Variants in SYNE2 observed in about 807,000 individuals in gnomAD.
SYNE2 encodes the protein nesprin-2.
SYNE2 carries 431 observed loss-of-function variants against 856.3 expected under a neutral mutation model. The observed-to-expected ratio is 0.50, with a 90% CI of 0.47 to 0.55. The LOEUF is 0.55. SYNE2 is among the 20% of genes least tolerant of loss of function. The pLI is 0.00. For synonymous variants in SYNE2, 2,923 were observed against 2,872.3 expected, an observed-to-expected ratio of 1.02 and a Z score of -0.56; for missense variants, 8,129 against 8,023.2, an observed-to-expected ratio of 1.01 and a Z score of -0.50.
At position 63,854,163 on chromosome 14, in the gene SYNE2, CT is replaced by C. The variant is rs35131482; in HGVS notation, c.-52+1036del. Among the ~76,000 whole-genome samples the C allele has an allele frequency of 5.4e-3, 754 of 139,222 alleles. 2 individuals are homozygous for C. The highest frequency in any genetic ancestry group is 0.015 in the African/African-American group (584 of 37,864). 91.3% of individuals were successfully genotyped at this position (139,222 alleles called of 152,430 possible). The stretch of plus-strand genomic sequence containing the variant: ...TCAAGCCGCTCCACACTTGGCATCA[CT>C]TTTTTTTTTTTTTTTGAGTTTGTTT... On this transcript the variant is annotated intron_variant, in intron 1 of 115. Transcript: ENST00000555002.
intron 7 of SYNE2, among the ~76,000 whole-genome samples, chr14:63,954,283 C>T (rs1246718339): frequency 1.3e-5 from 2 of 152,084 alleles, no homozygotes; most frequent in African/African-American, 2.4e-5. Context: ...AGTTAGGAAC[C>T]TTGACCTTCC....
intron 16 of SYNE2, 71 bp from the exon 17 acceptor site, chr14:63,982,559 A>AACATTGATT: frequency 7.0e-7 from 1 of 1,432,498 alleles, no homozygotes; most frequent in East Asian, 2.3e-5. Flanking sequence ...AGCCTTGGTG[A>AACATTGATT]ACATTGATTA....
chr14:64,030,151 C>G (rs1319171989), intron 44 of SYNE2, 92 bp downstream of exon 44: 1 of 1,276,364 alleles, frequency 7.8e-7, no homozygotes, highest in Non-Finnish European at 1.1e-6. Flanking sequence ...GTCAGAAATT[C>G]CAGTGGTATT....
intron 68 of SYNE2, 135 bp from the exon 69 acceptor site, chr14:64,121,877 G>C: frequency 8.4e-7 from 1 of 1,186,568 alleles, no homozygotes; most frequent in South Asian, 1.3e-5. Context: ...ACAAGAACAG[G>C]AATGCAAGAA....
rs1205500826 is a variant in SYNE2 at position 64,181,613 on chromosome 14, A to G, written c.17556+4130A>G. 2.6e-5 allele frequency among the ~76,000 whole-genome samples: 4 copies of G among 152,294 alleles called. No individual in the cohort carries two copies. The East Asian group carries it at 7.7e-4, about 29-fold the overall frequency. The stretch of plus-strand genomic sequence containing the variant: ...TCTGAAAAGATCCCAAGTAACCCAA[A>G]GCTTGTCCAGGTCAGTGTGTTTCAT... On this transcript the variant is annotated intron_variant, in intron 96 of 115. Coordinates refer to ENST00000555002, the MANE Select transcript of SYNE2 (RefSeq NM_182914.3).
At chr14:63,839,178 T>G (rs1216832632) in intron 1 of SYNE2, among the ~76,000 whole-genome samples, 1 of 152,084 alleles carries the variant, frequency 6.6e-6, no homozygotes, top group African/African-American at 2.4e-5. Flanking sequence ...TACAGTCATG[T>G]GCCACCATGC....
chr14:64,024,821 C>T, intron 39 of SYNE2, 91 bp from the exon 40 acceptor site: 1 of 1,340,124 alleles, frequency 7.5e-7, no homozygotes, highest in Non-Finnish European at 1.1e-6. Context: ...TTATAAAAAC[C>T]TGGTTGAGTC....
chr14:63,862,523 A>G (rs1894017035), intron 1 of SYNE2, among the ~76,000 whole-genome samples: 1 of 152,196 alleles, frequency 6.6e-6, no homozygotes, highest in African/African-American at 2.4e-5. Flanking sequence ...GGCGTGAACC[A>G]CTGTGCCTGG....
chr14:64,020,949 A>G (rs542967289), intron 35 of SYNE2, among the ~76,000 whole-genome samples: 9 of 152,256 alleles, frequency 5.9e-5, no homozygotes, highest in African/African-American at 2.2e-4. Context: ...TGTGTACATC[A>G]TAAATACTCA....
intron 1 of SYNE2, among the ~76,000 whole-genome samples, chr14:63,826,724 A>G (rs1448343745): frequency 3.9e-5 from 6 of 152,218 alleles, no homozygotes; most frequent in Non-Finnish European, 1.5e-5. Context: ...CAGATAATCA[A>G]TTTATAAGAG....
intron 63 of SYNE2, 47 bp downstream of exon 63, chr14:64,098,868 T>G: frequency 2.6e-6 from 4 of 1,565,428 alleles, no homozygotes; most frequent in Non-Finnish European, 2.6e-6. Context: ...ACCAGATCTC[T>G]AAAAGAAGTC....
At chr14:64,135,176 A>G (rs1241759859) in intron 78 of SYNE2, among the ~76,000 whole-genome samples, 1 of 152,234 alleles carries the variant, frequency 6.6e-6, no homozygotes, top group Admixed American at 6.5e-5. Flanking sequence ...CCAGGAACTT[A>G]AAATTCCTAG....
chr14:64,015,518 T>A (rs2096885926), intron 32 of SYNE2, among the ~76,000 whole-genome samples: 1 of 152,096 alleles, frequency 6.6e-6, no homozygotes, highest in African/African-American at 2.4e-5. Context: ...TTGATGTCTG[T>A]AGTGTCTGTA....
chr14:64,105,316 GA>G (rs2097763869), intron 64 of SYNE2, among the ~76,000 whole-genome samples: 1 of 152,152 alleles, frequency 6.6e-6, no homozygotes, highest in Admixed American at 6.5e-5. Context: ...AACTTAGCGT[GA>G]CATTCCAGAT....
At chr14:63,988,537 C>T (rs1414435382) in intron 19 of SYNE2, among the ~76,000 whole-genome samples, 1 of 152,116 alleles carries the variant, frequency 6.6e-6, no homozygotes, top group Non-Finnish European at 1.5e-5. Context: ...GATTCCACTG[C>T]CCCAAGACAA....
intron 78 of SYNE2, among the ~76,000 whole-genome samples, chr14:64,135,228 G>A (rs985731223): frequency 1.3e-5 from 2 of 152,114 alleles, no homozygotes; most frequent in Non-Finnish European, 2.9e-5. Context: ...TGAGTTGTGC[G>A]GCTAGAGGCA....
intron 1 of SYNE2, among the ~76,000 whole-genome samples, chr14:63,896,317 A>G (rs1186373974): frequency 2.0e-5 from 3 of 152,094 alleles, no homozygotes; most frequent in East Asian, 1.9e-4. Flanking sequence ...ACTTTTTCCT[A>G]TCATATCCTG....
Position 64,065,510 on chromosome 14 carries a change from T to G in SYNE2, c.10291T>G (p.Cys3431Gly). 1 of 1,614,060 alleles carries G rather than the reference T, an allele frequency of 6.2e-7. No individual in the cohort carries two copies. Among genetic ancestry groups the G allele is most frequent in the Non-Finnish European group, 8.5e-7 (1 of 1,180,016 alleles). The change falls in exon 51 of 116, where the codon TGC (cysteine) becomes GGC (glycine). Residue 3431 changes from cysteine to glycine, a missense_variant. Coordinates refer to ENST00000555002, the MANE Select transcript of SYNE2 (RefSeq NM_182914.3). ...GATCCTTAGACTCTTGAGACTCAGG[T>G]GCACAGAAAATGATGGCATATGTTT... ...RQILRLLRLR[C>G]TENDGICLLK...
chr14:64,215,736 G>C (rs982409502), intron 107 of SYNE2: 4 of 400,250 alleles, frequency 1.0e-5, no homozygotes, highest in African/African-American at 4.1e-5. Context: ...GGAAAGGGGT[G>C]GGGGGTTGGG....
Sources: allele counts gnomAD v4.1 joint callset (sites outside exome capture counted in the v4.1 genomes callset), GRCh38; gene constraint gnomAD v4.1.1; transcripts MANE v1.5; gene names NCBI Gene and HGNC (gene_info 2026-07-23, HGNC 2026-07-21).